NEXMIF: variants seen among roughly 807,000 people sequenced by gnomAD.
NEXMIF encodes the protein XLMR protein related to neurite extension.
In NEXMIF, 8 loss-of-function variants were observed where a neutral mutation model predicts 62.1. That is an observed-to-expected ratio of 0.13 (90% confidence interval 0.08 to 0.23). The LOEUF is 0.23. Ranked by LOEUF, NEXMIF falls within the 10% of genes least tolerant of loss-of-function variation. NEXMIF has a pLI of 1.00. For synonymous variants in NEXMIF, 404 were observed against 416.6 expected (o/e 0.97, Z 0.37); for missense variants, 976 against 1,113.3 (o/e 0.88, Z 1.75).
chrX:74,874,777 T>C (rs1320121182), intron 1 of NEXMIF, among the ~76,000 whole-genome samples: 1 of 94,617 alleles, frequency 1.1e-5, no homozygotes, highest in Admixed American at 1.2e-4. Context: ...AGTTCACTCA[T>C]GATTTGGCTC....
intron 1 of NEXMIF, among the ~76,000 whole-genome samples, chrX:74,754,174 C>T (rs2080152366): frequency 9.0e-6 from 1 of 111,441 alleles, no homozygotes; most frequent in Non-Finnish European, 1.9e-5. Context: ...GTTGGCCAGG[C>T]TGGTCTTGAA....
At chrX:74,876,532 T>C (rs1440758268) in intron 1 of NEXMIF, among the ~76,000 whole-genome samples, 7 of 107,618 alleles carry the variant, frequency 6.5e-5, no homozygotes, top group African/African-American at 2.0e-4. Flanking sequence ...CTGAGTTCAA[T>C]TCCTGGGTAT....
In NEXMIF at chrX:74,797,541, T is replaced by C. The variant is rs1443991613; in HGVS notation, c.-47-51844A>G. Among the ~76,000 whole-genome samples, 5 of 112,345 alleles carry C rather than the reference T, an allele frequency of 4.5e-5. No individual in the cohort carries two copies. The Admixed American group carries it at 4.7e-4, about 11-fold the overall frequency. On this transcript the variant is annotated intron_variant, in intron 1 of 3. Coordinates refer to ENST00000055682, the MANE Select transcript of NEXMIF (RefSeq NM_001008537.3). Reference sequence around the variant, plus strand: ...ACACAGAGTTAATAGTTTAAACAGATGTCTGTCAGATTCTTCCTTAACATA... The same window carrying C: ...ACACAGAGTTAATAGTTTAAACAGACGTCTGTCAGATTCTTCCTTAACATA...
intron 1 of NEXMIF, among the ~76,000 whole-genome samples, chrX:74,886,241 G>A (rs1207542052): frequency 8.9e-6 from 1 of 111,815 alleles, no homozygotes; most frequent in African/African-American, 3.3e-5. Context: ...ACTGGCACAA[G>A]ACAGGGATGC....
intron 1 of NEXMIF, among the ~76,000 whole-genome samples, chrX:74,854,291 C>T (rs1488451298): frequency 1.8e-5 from 2 of 112,014 alleles, no homozygotes; most frequent in African/African-American, 3.2e-5. Flanking sequence ...ACAATAAACA[C>T]AATACATCAA....
chrX:74,829,100 G>A (rs5937901), intron 1 of NEXMIF, among the ~76,000 whole-genome samples: 1 of 111,309 alleles, frequency 9.0e-6, no homozygotes, highest in African/African-American at 3.3e-5. Flanking sequence ...TATGTTTATG[G>A]GGTACATGAG....
At chrX:74,875,881 CTCTT>C (rs1569360176) in intron 1 of NEXMIF, among the ~76,000 whole-genome samples, 1 of 111,330 alleles carries the variant, frequency 9.0e-6, no homozygotes, top group Non-Finnish European at 1.9e-5. Context: ...TGATTCTTCT[CTCTT>C]TTTTTCCTTA....
At chrX:74,827,655 G>A (rs1483795491) in intron 1 of NEXMIF, among the ~76,000 whole-genome samples, 3 of 111,790 alleles carry the variant, frequency 2.7e-5, no homozygotes, top group Non-Finnish European at 3.8e-5. Flanking sequence ...CTGATGGGTG[G>A]GGAGCCCTTA....
chrX:74,769,430 G>A (rs1170124744), intron 1 of NEXMIF, among the ~76,000 whole-genome samples: 1 of 111,724 alleles, frequency 9.0e-6, no homozygotes, highest in African/African-American at 3.3e-5. Flanking sequence ...CTGCTACAGT[G>A]CCAATTAAGT....
At chrX:74,794,329 C>T (rs1411586320) in intron 1 of NEXMIF, among the ~76,000 whole-genome samples, 1 of 105,420 alleles carries the variant, frequency 9.5e-6, no homozygotes, top group Non-Finnish European at 2.0e-5. Flanking sequence ...GGCAGTCTGC[C>T]CGTTCTCAGA....
chrX:74,865,452 A>G (rs1458683523), intron 1 of NEXMIF, among the ~76,000 whole-genome samples: 2 of 112,375 alleles, frequency 1.8e-5, no homozygotes, highest in Non-Finnish European at 1.9e-5. Flanking sequence ...AAAAGGAAGA[A>G]GAGCATAAAA....
intron 1 of NEXMIF, among the ~76,000 whole-genome samples, chrX:74,798,302 G>A (rs2080318708): frequency 8.9e-6 from 1 of 111,745 alleles, no homozygotes; most frequent in South Asian, 3.7e-4. Context: ...ACTCAGAAAG[G>A]CACTCAAGAC....
At chrX:74,789,878 C>T (rs1461472124) in intron 1 of NEXMIF, among the ~76,000 whole-genome samples, 1 of 107,247 alleles carries the variant, frequency 9.3e-6, no homozygotes, top group Non-Finnish European at 1.9e-5. Flanking sequence ...GATATTAGCC[C>T]TTTGTCAGAT....
At chrX:74,894,362 G>A (rs1291740746) in intron 1 of NEXMIF, among the ~76,000 whole-genome samples, 2 of 111,016 alleles carry the variant, frequency 1.8e-5, no homozygotes, top group African/African-American at 3.3e-5. Context: ...TGAAAAAGAC[G>A]GCATTACAAC....
At chrX:74,916,669 T>C (rs1164944081) in intron 1 of NEXMIF, among the ~76,000 whole-genome samples, 2 of 111,759 alleles carry the variant, frequency 1.8e-5, no homozygotes, top group African/African-American at 3.3e-5. Flanking sequence ...TCAGCCTCCA[T>C]AACTTTAAGA....
At chrX:74,899,684 C>T (rs2080743226) in intron 1 of NEXMIF, among the ~76,000 whole-genome samples, 1 of 111,113 alleles carries the variant, frequency 9.0e-6, no homozygotes. Context: ...TAATGCAATC[C>T]CTACCAAAAT....
At chrX:74,789,163 C>T (rs1335390014) in intron 1 of NEXMIF, among the ~76,000 whole-genome samples, 1 of 89,998 alleles carries the variant, frequency 1.1e-5, no homozygotes, top group Non-Finnish European at 2.2e-5. Context: ...TGTGATATTC[C>T]CCTTCCTGTG....
At position 74,743,441 on chromosome X, in the gene NEXMIF, G is replaced by A. The variant is rs1228370147; in HGVS notation, c.1116C>T (p.Ile372=). 8.3e-7 allele frequency: 1 copy of A among 1,209,046 alleles called. No individual in the cohort carries two copies. The highest frequency in any genetic ancestry group is 3.0e-5 in the East Asian group (1 of 33,731). The change falls in exon 3 of 4, where the codon ATC becomes ATT. Residue 372 remains isoleucine, a synonymous_variant. Coordinates refer to ENST00000055682, the MANE Select transcript of NEXMIF (RefSeq NM_001008537.3). ...SQFKVPDVSI[I]WGEEDKNLDK... ...CCAAGTTTTTATCTTCCTCCCCCCA[G>A]ATGATGCTCACATCAGGGACCTTGA...
At chrX:74,818,206 C>A (rs1311358530) in intron 1 of NEXMIF, among the ~76,000 whole-genome samples, 1 of 111,563 alleles carries the variant, frequency 9.0e-6, no homozygotes, top group Non-Finnish European at 1.9e-5. Flanking sequence ...GGAGGTATCA[C>A]ACTACCTGAT....
Sources: gnomAD v4.1 joint callset for allele counts (sites outside exome capture counted in the v4.1 genomes callset) on GRCh38, gnomAD v4.1.1 for gene constraint, MANE v1.5 for transcripts, NCBI Gene and HGNC (gene_info 2026-07-23, HGNC 2026-07-21) for gene names.